YLPM1: variants seen among roughly 807,000 people sequenced by gnomAD.
YLPM1 encodes YLP motif containing 1, also known as YLP motif-containing protein 1.
A neutral mutation model predicts 230.0 loss-of-function variants in YLPM1; 99 were observed. The observed-to-expected ratio is 0.43, with a 90% CI of 0.37 to 0.51. YLPM1 has a LOEUF of 0.51. YLPM1 is among the 20% of genes least tolerant of loss of function. The pLI is 0.00. For synonymous variants in YLPM1, 984 were observed against 942.5 expected (o/e 1.04, Z -0.81); for missense variants, 2,592 against 2,707.7 (o/e 0.96, Z 0.95).
At chr14:74,774,870 G>C (rs889005709) in intron 1 of YLPM1, among the ~76,000 whole-genome samples, 1 of 152,140 alleles carries the variant, frequency 6.6e-6, no homozygotes, top group African/African-American at 2.4e-5. Context: ...CCCTCATGAT[G>C]TGTGGCTGAC....
chr14:74,830,933 TCCAAACCATA>T lies in YLPM1; in HGVS notation c.6294+1591_6294+1600del, dbSNP rs375914242. 5.3e-3 allele frequency among the ~76,000 whole-genome samples: 802 copies of T among 152,224 alleles called. 5 individuals are homozygous for T. Among genetic ancestry groups the T allele is most frequent in the Middle Eastern group, 0.01 (3 of 294 alleles). ...ACATGAGATTTGAAGGGGACAAACA[TCCAAACCATA>T]ATGTCTTTACTGATGGATGCTTACA... On this transcript the variant is annotated intron_variant, in intron 19 of 20. Transcript: ENST00000325680.
At chr14:74,820,094 T>C (rs1328781164) in intron 16 of YLPM1, among the ~76,000 whole-genome samples, 1 of 152,258 alleles carries the variant, frequency 6.6e-6, no homozygotes, top group African/African-American at 2.4e-5. Flanking sequence ...TTTTCCAAAT[T>C]CTCTACAAAA....
At chr14:74,818,143 A>T in intron 15 of YLPM1, 88 bp from the exon 16 acceptor site, 1 of 641,042 alleles carries the variant, frequency 1.6e-6, no homozygotes, top group Non-Finnish European at 2.4e-6. Context: ...AATATTTTAA[A>T]ATATTGTTAA....
At chr14:74,772,865 G>C (rs1465868073) in intron 1 of YLPM1, among the ~76,000 whole-genome samples, 1 of 151,986 alleles carries the variant, frequency 6.6e-6, no homozygotes, top group African/African-American at 2.4e-5. Flanking sequence ...CTTCTCTTAG[G>C]GTCAGTAAGG....
chr14:74,770,336 T>C (rs981664148), intron 1 of YLPM1, among the ~76,000 whole-genome samples: 22 of 131,424 alleles, frequency 1.7e-4, no homozygotes, highest in Non-Finnish European at 3.1e-4. Flanking sequence ...AAAAAAAAAA[T>C]GAGTAGGCCA....
Position 74,810,405 on chromosome 14 carries a change from G to C in YLPM1, c.5213G>C (p.Arg1738Pro). Residue 1738 changes from arginine to proline, a missense_variant, in exon 9 of 21, where the codon CGA becomes CCA. Transcript: ENST00000325680. ...CGGGATCGATTTGACAGAGAACGCCGACCCCGAGATGATAGGTATGCTATA... is the reference window on the plus strand; with the variant it reads ...CGGGATCGATTTGACAGAGAACGCCCACCCCGAGATGATAGGTATGCTATA... ...YDRDRFDRER[R>P]PRDDRAQSYR... 6.2e-7 allele frequency: 1 copy of C among 1,605,840 alleles called. No homozygotes were observed. The highest frequency in any genetic ancestry group is 8.5e-7 in the Non-Finnish European group (1 of 1,175,788).
At chr14:74,802,786 G>A (rs566200901) in intron 6 of YLPM1, 110 bp downstream of exon 6, 21 of 1,346,684 alleles carry the variant, frequency 1.6e-5, no homozygotes, top group East Asian at 1.3e-4. Context: ...TCTATAAAAT[G>A]TAAATTTTGG....
chr14:74,782,130 A>G lies in YLPM1; in HGVS notation c.2087A>G (p.Glu696Gly), dbSNP rs2091101751. The G allele has an allele frequency of 6.2e-7, 1 of 1,613,734 alleles. No homozygotes were observed. The highest frequency in any genetic ancestry group is 8.5e-7 in the Non-Finnish European group (1 of 1,179,830). Residue 696 changes from glutamate (E) to glycine (G), a missense_variant, in exon 4 of 21, where the codon GAA becomes GGA. By Grantham distance (98) the Glu-to-Gly change is moderately conservative. This residue lies in a region of YLPM1 where 1,862 missense variants were observed against 1,819.8 expected (regional missense o/e 1.02). Transcript: ENST00000325680. ...CCGTTGCAATCAGCTGGTCCATCAG[A>G]ACAAGTGAATTCAAAAGCTCCTTTG... ...HPPLQSAGPS[E>G]QVNSKAPLSK...
chr14:74,788,287 A>AT (rs1487143114), intron 4 of YLPM1, among the ~76,000 whole-genome samples: 5 of 151,808 alleles, frequency 3.3e-5, no homozygotes, highest in Non-Finnish European at 7.4e-5. Context: ...CGCCTGGCTA[A>AT]TTTTTTGCAT....
intron 4 of YLPM1, among the ~76,000 whole-genome samples, chr14:74,787,120 A>T (rs1438177572): frequency 6.6e-6 from 1 of 152,168 alleles, no homozygotes; most frequent in Non-Finnish European, 1.5e-5. Flanking sequence ...ATGCTGATTC[A>T]AGTCTTTTTC....
At position 74,816,661 on chromosome 14, in the gene YLPM1, C is replaced by G; in HGVS notation, c.5656C>G (p.Pro1886Ala). Reference protein sequence around the residue: ...ITEVEKEEKDPDSGKKVKKKV... With the variant: ...ITEVEKEEKDADSGKKVKKKV... The stretch of plus-strand genomic sequence containing the variant: ...TGAAGTGGAAAAAGAAGAAAAAGAT[C>G]CAGATTCTGGAAAGAAAGTGAAAAA... Residue 1886 changes from proline to alanine, a missense_variant, in exon 13 of 21, where the codon CCA (proline) becomes GCA (alanine). Around this residue, in one of 4 missense-constraint regions of YLPM1, gnomAD observed 315 missense variants for 429.3 expected, o/e 0.73. Coordinates refer to ENST00000325680, the MANE Select transcript of YLPM1 (RefSeq NM_019589.3). 1.2e-6 allele frequency: 2 copies of G among 1,613,212 alleles called. No individual in the cohort carries two copies. The highest frequency in any genetic ancestry group is 1.7e-6 in the Non-Finnish European group (2 of 1,179,610).
chr14:74,806,802 C>G (rs1469191388), intron 6 of YLPM1, among the ~76,000 whole-genome samples: 1 of 149,732 alleles, frequency 6.7e-6, no homozygotes, highest in Non-Finnish European at 1.5e-5. Flanking sequence ...CTGTTTGAGT[C>G]AGGTTTTTTT....
intron 4 of YLPM1, among the ~76,000 whole-genome samples, chr14:74,793,817 A>C (rs1038866783): frequency 6.6e-6 from 1 of 152,182 alleles, no homozygotes; most frequent in Non-Finnish European, 1.5e-5. Context: ...CATTCAGCCT[A>C]AGGAAAGGCT....
At chr14:74,818,464 T>C in intron 16 of YLPM1, 150 bp downstream of exon 16, 1 of 553,232 alleles carries the variant, frequency 1.8e-6, no homozygotes, top group Non-Finnish European at 3.0e-6. Context: ...TCACGGTTAG[T>C]ATTTTGCCAC....
In YLPM1 at chr14:74,804,451, C is replaced by T. The variant is rs945964910; in HGVS notation, c.4521+1775C>T. ...TCCACTCTCTGATGCTTCATTTTCC[C>T]TCCACATAGAGCTACTTAACAATTT... On this transcript the variant is annotated intron_variant, in intron 6 of 20. Coordinates refer to ENST00000325680, the MANE Select transcript of YLPM1 (RefSeq NM_019589.3). Among the ~76,000 whole-genome samples, 3 of 152,320 alleles carry T rather than the reference C, an allele frequency of 2.0e-5. No homozygotes were observed. In the East Asian group the frequency reaches 5.8e-4, roughly 29 times the overall value.
At chr14:74,818,435 GAT>G (rs1460951458) in intron 16 of YLPM1, 121 bp downstream of exon 16, 4 of 652,944 alleles carry the variant, frequency 6.1e-6, no homozygotes, top group Non-Finnish European at 9.4e-6. Flanking sequence ...AACACCTACT[GAT>G]ATGCCTTTCA....
At position 74,799,424 on chromosome 14, in the gene YLPM1, A is replaced by G. The variant is rs2091302981; in HGVS notation, c.4127A>G (p.Tyr1376Cys). ...AGGGGTGAGTTGAGGATTCGAGAGT[A>G]TCCAGAAAGAGGAGATACATGGCGG... ...RDRGELRIRE[Y>C]PERGDTWREK... Residue 1376 changes from tyrosine (Y) to cysteine (C), a missense_variant, in exon 5 of 21, where the codon TAT becomes TGT. Tyr to Cys is a radical substitution (Grantham distance 194, BLOSUM62 -2). Coordinates refer to ENST00000325680, the MANE Select transcript of YLPM1 (RefSeq NM_019589.3). 2 of 1,614,048 alleles carry G rather than the reference A, an allele frequency of 1.2e-6. No homozygotes were observed. Among genetic ancestry groups the G allele is most frequent in the Non-Finnish European group, 1.7e-6 (2 of 1,179,896 alleles).
At chr14:74,824,159 A>T in intron 17 of YLPM1, 97 bp from the exon 18 acceptor site, 1 of 1,191,486 alleles carries the variant, frequency 8.4e-7, no homozygotes, top group Non-Finnish European at 1.2e-6. Context: ...GTGGAAACTG[A>T]ATCCATTCCC....
rs1012643188 is a variant in YLPM1 at position 74,829,458 on chromosome 14, C to T, written c.6294+115C>T. The T allele has an allele frequency of 2.1e-5, 29 of 1,404,092 alleles. No homozygotes were observed. The African/African-American group carries it at 2.4e-4, about 12-fold the overall frequency. 87.0% of individuals were successfully genotyped at this position (1,404,092 alleles called of 1,614,324 possible). ...GCTATTTTTAGAATGATTTAGTTTA[C>T]GCTATGTCATGTATCCCAAGAAGGA... On this transcript the variant is annotated intron_variant, in intron 19 of 20. Coordinates refer to ENST00000325680, the MANE Select transcript of YLPM1 (RefSeq NM_019589.3).
Sources: gnomAD v4.1 joint callset for allele counts (sites outside exome capture counted in the v4.1 genomes callset) on GRCh38, gnomAD v4.1.1 for gene constraint, gnomAD v4.1.1 regional missense constraint, MANE v1.5 for transcripts, NCBI Gene and HGNC (gene_info 2026-07-23, HGNC 2026-07-21) for gene names.